Variants in SMCO4 observed in about 807,000 individuals in gnomAD.
SMCO4 encodes single-pass membrane and coiled-coil domain-containing protein 4.
SMCO4 carries 4 observed loss-of-function variants against 3.6 expected under a neutral mutation model. That is an observed-to-expected ratio of 1.11 (90% CI 0.54 to 2.53). The LOEUF (loss-of-function observed/expected upper bound fraction) is 2.53, where lower values mean the gene tolerates loss of function less well. SMCO4 is among the 30% of genes most tolerant of loss of function. The pLI, the probability that SMCO4 is intolerant of heterozygous loss-of-function variation, is 0.02. For synonymous variants in SMCO4, 36 were observed against 35.3 expected (o/e 1.02, Z -0.07); for missense variants, 70 against 80.8 (o/e 0.87, Z 0.51).
chr11:93,507,791 A>G (rs536131641), intron 1 of SMCO4, among the ~76,000 whole-genome samples: 1 of 151,988 alleles, frequency 6.6e-6, no homozygotes, highest in South Asian at 2.1e-4. Context: ...TTCTAACTAC[A>G]TGTCTGTGTA....
chr11:93,553,010 A>C, the SMCO4 span, among the ~76,000 whole-genome samples: 9 of 152,316 alleles, frequency 5.9e-5, no homozygotes, highest in African/African-American at 2.2e-4. Context: ...AGAACGTCAA[A>C]GGCCTGGCCA....
chr11:93,538,818 C>T (rs1038225395), intron 1 of SMCO4, among the ~76,000 whole-genome samples: 5 of 152,092 alleles, frequency 3.3e-5, no homozygotes, highest in African/African-American at 1.2e-4. Flanking sequence ...TCTGTTCAGG[C>T]CCTCATCTCT....
chr11:93,522,859 TG>T (rs1201965988), intron 1 of SMCO4, among the ~76,000 whole-genome samples: 1 of 152,162 alleles, frequency 6.6e-6, no homozygotes, highest in African/African-American at 2.4e-5. Context: ...ACCACCACAC[TG>T]AGGACAAGAA....
intron 2 of SMCO4, among the ~76,000 whole-genome samples, chr11:93,495,995 C>T (rs11601056): frequency 0.16 from 24,063 of 152,202 alleles, 2,644 homozygotes; most frequent in Admixed American, 0.34. Context: ...AATGCTGTGC[C>T]TCTGTAGCCA....
chr11:93,519,119 T>C (rs866601091), intron 1 of SMCO4, among the ~76,000 whole-genome samples: 3 of 152,292 alleles, frequency 2.0e-5, no homozygotes, highest in Middle Eastern at 6.8e-3. Flanking sequence ...TACGAAAGCA[T>C]CAGAACCAAC....
intron 1 of SMCO4, among the ~76,000 whole-genome samples, chr11:93,526,057 T>C (rs1337510366): frequency 6.6e-6 from 1 of 152,224 alleles, no homozygotes; most frequent in African/African-American, 2.4e-5. Flanking sequence ...GACAGGGACT[T>C]CTCAAGCTGT....
At chr11:93,511,093 C>T (rs112219299) in intron 1 of SMCO4, among the ~76,000 whole-genome samples, 33 of 152,032 alleles carry the variant, frequency 2.2e-4, no homozygotes, top group African/African-American at 7.5e-4. Flanking sequence ...AGCAAGACTC[C>T]GTCTCAAAAT....
chr11:93,510,169 A>G (rs1948944635), intron 1 of SMCO4, among the ~76,000 whole-genome samples: 1 of 152,172 alleles, frequency 6.6e-6, no homozygotes, highest in Non-Finnish European at 1.5e-5. Flanking sequence ...AGGTCTGGTG[A>G]AGGGCAGATG....
the SMCO4 span, among the ~76,000 whole-genome samples, chr11:93,550,096 T>C: frequency 2.6e-5 from 4 of 152,070 alleles, no homozygotes; most frequent in Admixed American, 2.6e-4. Context: ...GAAATTTAAG[T>C]CTCTAGCTAA....
Position 93,535,932 on chromosome 11 carries a change from T to C in SMCO4, c.-154+7344A>G, listed in dbSNP as rs887901667. The C allele has an allele frequency of 3.3e-6, 5 of 1,514,750 alleles. No homozygotes were observed. In the African/African-American group the frequency reaches 5.6e-5, roughly 17 times the overall value. The allele number at this position is 1,514,750 out of a possible 1,614,324, so 93.8% of individuals were successfully genotyped here. ...CACAGTAGGTGTTTTCACATAAGAT[T>C]AGGGTCTTTTTGGAAAGAATAGTTG... On this transcript the variant is annotated intron_variant, in intron 1 of 2. Coordinates refer to ENST00000298966, the MANE Select transcript of SMCO4 (RefSeq NM_020179.3).
At chr11:93,537,045 C>T (rs1486038002) in intron 1 of SMCO4, among the ~76,000 whole-genome samples, 1 of 152,224 alleles carries the variant, frequency 6.6e-6, no homozygotes, top group Non-Finnish European at 1.5e-5. Context: ...CTACCCTGAA[C>T]CTGCTCATCA....
At chr11:93,514,827 CTAAGGA>C (rs1454173713) in intron 1 of SMCO4, among the ~76,000 whole-genome samples, 14 of 152,114 alleles carry the variant, frequency 9.2e-5, no homozygotes, top group African/African-American at 3.1e-4. Flanking sequence ...CCAGACATAG[CTAAGGA>C]CTTTAAACAC....
chr11:93,527,228 A>G (rs941133398), intron 1 of SMCO4, among the ~76,000 whole-genome samples: 2 of 152,206 alleles, frequency 1.3e-5, no homozygotes, highest in African/African-American at 4.8e-5. Context: ...AAGAGTGATC[A>G]TGGACTCCAA....
At chr11:93,538,904 C>T (rs1422027488) in intron 1 of SMCO4, among the ~76,000 whole-genome samples, 1 of 152,222 alleles carries the variant, frequency 6.6e-6, no homozygotes. Context: ...CAGACAGCCA[C>T]CGAGCTACCT....
At chr11:93,530,474 T>C (rs1163946352) in intron 1 of SMCO4, among the ~76,000 whole-genome samples, 1 of 152,184 alleles carries the variant, frequency 6.6e-6, no homozygotes, top group African/African-American at 2.4e-5. Context: ...GCAAAATATC[T>C]AGGCACACAC....
At chr11:93,510,072 C>T in intron 1 of SMCO4, among the ~76,000 whole-genome samples, 1 of 152,238 alleles carries the variant, frequency 6.6e-6, no homozygotes, top group East Asian at 1.9e-4. Context: ...TTCTCAAACT[C>T]TCTGGACTAC....
At chr11:93,526,841 C>T (rs1192017443) in intron 1 of SMCO4, among the ~76,000 whole-genome samples, 2 of 152,174 alleles carry the variant, frequency 1.3e-5, no homozygotes, top group African/African-American at 2.4e-5. Flanking sequence ...GTCTACCACA[C>T]GGCACAATCA....
intron 1 of SMCO4, among the ~76,000 whole-genome samples, chr11:93,526,165 C>T (rs941488273): frequency 4.6e-5 from 7 of 152,110 alleles, no homozygotes; most frequent in Admixed American, 1.3e-4. Flanking sequence ...GCATCAAGCA[C>T]AGAAAGGGTC....
intron 1 of SMCO4, among the ~76,000 whole-genome samples, chr11:93,533,321 C>A (rs1034319202): frequency 6.6e-6 from 1 of 152,160 alleles, no homozygotes; most frequent in Admixed American, 6.5e-5. Context: ...AATAGAAGAA[C>A]ATGCATATCT....
Sources: gnomAD v4.1 joint callset for allele counts (sites outside exome capture counted in the v4.1 genomes callset) on GRCh38, gnomAD v4.1.1 for gene constraint, MANE v1.5 for transcripts, NCBI Gene and HGNC (gene_info 2026-07-23, HGNC 2026-07-21) for gene names.